The following MRAP variants were observed in gnomAD, a reference collection of about 807,000 sequenced individuals.
MRAP encodes melanocortin-2 receptor accessory protein.
A neutral mutation model predicts 8.7 loss-of-function variants in MRAP; 8 were observed. The ratio of observed to expected loss-of-function variants is 0.92; its 90% confidence interval spans 0.54 to 1.66. MRAP has a LOEUF of 1.66. Ranked by LOEUF, MRAP falls within the 40% of genes most tolerant of loss-of-function variation. The pLI is 0.00. For missense variants in MRAP, 237 were observed against 217.1 expected, an observed-to-expected ratio of 1.09 and a Z score of -0.58; for synonymous variants, 95 against 95.5, an observed-to-expected ratio of 1.00 and a Z score of 0.03.
At position 32,311,998 on chromosome 21, in the gene MRAP, G is replaced by A. The variant is rs771061542; in HGVS notation, c.*2G>A. 3 of 1,613,126 alleles carry A rather than the reference G, an allele frequency of 1.9e-6. No individual in the cohort carries two copies. Among genetic ancestry groups the A allele is most frequent in the South Asian group, 1.1e-5 (1 of 91,086 alleles). On this transcript the variant is annotated 3_prime_UTR_variant, in exon 3 of 3. Coordinates refer to ENST00000303645, the MANE Select transcript of MRAP (RefSeq NM_001379228.1). ...AGGACCTCTCAATTGCAGAGCTGAT[G>A]TCAGTAAATCGTGGCCATAGCTGAG...
intron 2 of MRAP, among the ~76,000 whole-genome samples, chr21:32,307,963 TA>T (rs1337460786): frequency 2.0e-5 from 3 of 152,210 alleles, no homozygotes; most frequent in East Asian, 1.9e-4. Flanking sequence ...TTGTACTCTT[TA>T]AATGAGTCAA....
chr21:32,295,928 A>C (rs2032131572), upstream of MRAP, among the ~76,000 whole-genome samples: 2 of 152,200 alleles, frequency 1.3e-5, no homozygotes, highest in Non-Finnish European at 2.9e-5. Context: ...GTAAGCCAAG[A>C]TCACGCCACT....
downstream of MRAP, chr21:32,314,489 ATAAACTT>A: frequency 2.0e-6 from 3 of 1,519,930 alleles, no homozygotes; most frequent in Non-Finnish European, 2.7e-6. Context: ...CTGCTGAAAA[ATAAACTT>A]TAAACATCTC....
In MRAP at chr21:32,306,681, G is replaced by A. The variant is rs75858661; in HGVS notation, c.148G>A (p.Val50Met). The change falls in exon 2 of 3, where the codon GTG becomes ATG. Residue 50 changes from valine (V) to methionine (M), a missense_variant. By Grantham distance (21) the Val-to-Met change is conservative (BLOSUM62 1). Coordinates refer to ENST00000303645, the MANE Select transcript of MRAP (RefSeq NM_001379228.1). The part of the protein sequence containing the change: ...IAFWVSLAAF[V>M]VLLFLILLYM... ...ATTCTGGGTGAGCCTGGCTGCCTTCGTGGTGCTGCTCTTCCTCATCTTGCT... is the reference window on the plus strand; with the variant it reads ...ATTCTGGGTGAGCCTGGCTGCCTTCATGGTGCTGCTCTTCCTCATCTTGCT... 3,562 of 1,614,060 alleles carry A rather than the reference G, an allele frequency of 2.2e-3. 67 individuals carry two copies. The African/African-American group carries it at 0.041, about 18-fold the overall frequency.
downstream of MRAP, chr21:32,312,437 C>T: frequency 3.1e-6 from 2 of 652,186 alleles, no homozygotes; most frequent in South Asian, 2.9e-5. Flanking sequence ...CCGGCTCCCC[C>T]AGATGTGATG....
chr21:32,298,768 G>C, upstream of MRAP: 3 of 543,608 alleles, frequency 5.5e-6, no homozygotes, highest in Non-Finnish European at 1.0e-5. Context: ...AGCTCTGCTG[G>C]ATGCTGGCGT....
downstream of MRAP, chr21:32,312,946 A>G (rs897283680): frequency 1.3e-5 from 2 of 152,212 alleles, no homozygotes; most frequent in African/African-American, 4.8e-5. Flanking sequence ...CCCTTCCTCC[A>G]CACTAAGTGA....
Position 32,312,194 on chromosome 21 carries a change from T to C in MRAP, c.*198T>C. The stretch of plus-strand genomic sequence containing the variant: ...CGAGTGCAGAGGTCATCCCAGGTGT[T>C]GCTGAGTTTATTGAGCACACCTAGC... On this transcript the variant is annotated 3_prime_UTR_variant, in exon 3 of 3. Transcript: ENST00000303645. 6.7e-7 allele frequency: 1 copy of C among 1,492,394 alleles called. No homozygotes were observed. Among genetic ancestry groups the C allele is most frequent in the Non-Finnish European group, 8.9e-7 (1 of 1,123,644 alleles). 92.4% of individuals were successfully genotyped at this position (1,492,394 alleles called of 1,614,324 possible). A position where few individuals can be genotyped will look rare whatever the true frequency, so the allele number is the denominator to read the frequency against.
Position 32,311,914 on chromosome 21 carries a change from T to C in MRAP, c.437T>C (p.Leu146Pro). ...FQTHPTLLWE[L>P]TLNGGPLVRS... is the part of the protein sequence containing the mutation. ...ACCCACCCCACTCTCCTCTGGGAACTGACCCTCAATGGGGGTCCCCTCGTC... is the reference window on the plus strand; with the variant it reads ...ACCCACCCCACTCTCCTCTGGGAACCGACCCTCAATGGGGGTCCCCTCGTC... Residue 146 changes from leucine to proline, a missense_variant, in exon 3 of 3, where the codon CTG (leucine) becomes CCG (proline). By Grantham distance (98) the Leu-to-Pro change is moderately conservative. Coordinates refer to ENST00000303645, the MANE Select transcript of MRAP (RefSeq NM_001379228.1). The C allele has an allele frequency of 6.2e-7, 1 of 1,613,834 alleles. No individual in the cohort carries two copies. Among genetic ancestry groups the C allele is most frequent in the Non-Finnish European group, 8.5e-7 (1 of 1,180,034 alleles).
intron 2 of MRAP, among the ~76,000 whole-genome samples, chr21:32,310,643 CTTT>C (rs1013091938): frequency 6.8e-6 from 1 of 147,912 alleles, no homozygotes. Context: ...GGACACATTT[CTTT>C]TTTTTTTCTT....
rs537525538 is a variant in MRAP at position 32,304,965 on chromosome 21, G to GTTTTTTTTTTTTTTTTTTT, written c.107-1668_107-1650dup. On this transcript the variant is annotated intron_variant, in intron 1 of 2. Transcript: ENST00000303645. ...TTGAGGGGGATTTGTTTTTTTTGTT[G>GTTTTTTTTTTTTTTTTTTT]TTTTTTTTTTTTTTTTTTTTTTTTT... Among the ~76,000 whole-genome samples the GTTTTTTTTTTTTTTTTTTT allele has an allele frequency of 4.1e-4, 32 of 78,108 alleles. 1 individual carries two copies. The highest frequency in any genetic ancestry group is 9.1e-4 in the African/African-American group (19 of 20,990). 51.2% of individuals were successfully genotyped at this position (78,108 alleles called of 152,430 possible).
Position 32,312,239 on chromosome 21 carries a change from A to G in MRAP, c.*243A>G. On this transcript the variant is annotated 3_prime_UTR_variant, in exon 3 of 3. Transcript: ENST00000303645. ...CCTAGCCTGCTTGCTTACTGCTTATATTTGCTCAGGGAAGAGTAGGAAAAT... is the reference window on the plus strand; with the variant it reads ...CCTAGCCTGCTTGCTTACTGCTTATGTTTGCTCAGGGAAGAGTAGGAAAAT... 12 of 1,431,906 alleles carry G rather than the reference A, an allele frequency of 8.4e-6. No homozygotes were observed. The highest frequency in any genetic ancestry group is 1.0e-5 in the Non-Finnish European group (11 of 1,096,116). The allele number at this position is 1,431,906 out of a possible 1,614,324, so 88.7% of individuals were successfully genotyped here.
chr21:32,307,717 A>T (rs2409449), intron 2 of MRAP, among the ~76,000 whole-genome samples: 123,213 of 151,770 alleles, frequency 0.81, 50,377 homozygotes, highest in Non-Finnish European at 0.86. Flanking sequence ...ATAAAAAATA[A>T]CAAAAAGTTA....
chr21:32,300,632 C>A (rs1048633577), intron 1 of MRAP, among the ~76,000 whole-genome samples: 1 of 35,416 alleles, frequency 2.8e-5, no homozygotes, highest in South Asian at 7.4e-4. Context: ...ATGTCAGATG[C>A]GTCACACGTC....
At chr21:32,302,807 C>T (rs1336378159) in intron 1 of MRAP, among the ~76,000 whole-genome samples, 1 of 152,186 alleles carries the variant, frequency 6.6e-6, no homozygotes, top group Non-Finnish European at 1.5e-5. Flanking sequence ...GATGGCTCCA[C>T]TCATATCTCA....
intron 1 of MRAP, among the ~76,000 whole-genome samples, chr21:32,299,477 G>A (rs1014429055): frequency 6.6e-6 from 1 of 151,988 alleles, no homozygotes; most frequent in African/African-American, 2.4e-5. Context: ...TGAGACTATG[G>A]GCACATGCTA....
intron 1 of MRAP, among the ~76,000 whole-genome samples, chr21:32,301,076 TATC>T (rs976549190): frequency 5.3e-5 from 8 of 151,356 alleles, no homozygotes; most frequent in Non-Finnish European, 7.4e-5. Context: ...TATCCATATA[TATC>T]ATGATATATC....
upstream of MRAP, among the ~76,000 whole-genome samples, chr21:32,297,958 G>C (rs2032170799): frequency 6.6e-6 from 1 of 152,186 alleles, no homozygotes; most frequent in Non-Finnish European, 1.5e-5. Flanking sequence ...CAATACCCAG[G>C]TTTACTCTGA....
chr21:32,302,736 C>A (rs539047564), intron 1 of MRAP, among the ~76,000 whole-genome samples: 8 of 152,186 alleles, frequency 5.3e-5, no homozygotes, highest in Non-Finnish European at 1.2e-4. Flanking sequence ...GGAATAAGAA[C>A]GGACACACGG....
Sources: gnomAD v4.1 joint callset for allele counts (sites outside exome capture counted in the v4.1 genomes callset) on GRCh38, gnomAD v4.1.1 for gene constraint, MANE v1.5 for transcripts, NCBI Gene and HGNC (gene_info 2026-07-23, HGNC 2026-07-21) for gene names.